The following LHFPL3 variants were observed in gnomAD, a reference collection of about 807,000 sequenced individuals.
LHFPL3 encodes the protein LHFPL tetraspan subfamily member 3 protein.
In LHFPL3, 5 loss-of-function variants were observed where a neutral mutation model predicts 19.3. The observed-to-expected ratio is 0.26, with a 90% CI of 0.14 to 0.54. LHFPL3 has a LOEUF of 0.54. Among genes scored for constraint, LHFPL3 ranks in the 20% least tolerant of loss-of-function variants. The pLI is 0.94. For synonymous variants in LHFPL3, 133 were observed against 126.2 expected (o/e 1.05, Z -0.36); for missense variants, 249 against 307.4 (o/e 0.81, Z 1.42).
At chr7:104,482,955 C>T (rs998116767) in intron 1 of LHFPL3, among the ~76,000 whole-genome samples, 10 of 152,166 alleles carry the variant, frequency 6.6e-5, no homozygotes, top group Admixed American at 2.6e-4. Context: ...TATTGACGTA[C>T]GTGGGATTTC....
chr7:104,844,159 ATG>A (rs1358921362), intron 2 of LHFPL3, among the ~76,000 whole-genome samples: 1 of 152,242 alleles, frequency 6.6e-6, no homozygotes. Flanking sequence ...CTGGGAAAGA[ATG>A]GGGGAGAGAA....
intron 1 of LHFPL3, among the ~76,000 whole-genome samples, chr7:104,353,875 C>G (rs907018993): frequency 6.6e-6 from 1 of 152,198 alleles, no homozygotes; most frequent in African/African-American, 2.4e-5. Context: ...TTGTCCAGAG[C>G]CACCTACCTG....
chr7:104,696,918 A>T (rs374087549), intron 1 of LHFPL3, among the ~76,000 whole-genome samples: 1 of 152,242 alleles, frequency 6.6e-6, no homozygotes, highest in East Asian at 1.9e-4. Flanking sequence ...TAGGTGGCTT[A>T]TACACAACTG....
Position 104,467,845 on chromosome 7 carries a change from C to T in LHFPL3, c.445+138621C>T, listed in dbSNP as rs866310913. Among the ~76,000 whole-genome samples, 3 of 152,320 alleles carry T rather than the reference C, an allele frequency of 2.0e-5. No homozygotes were observed. In the South Asian group the frequency reaches 6.2e-4, roughly 32 times the overall value. ...TTCTCCTCTCCTTCATCCTGCTCCT[C>T]CTTCTCTTCCTTCTCTTTCTCTTCT... On this transcript the variant is annotated intron_variant, in intron 1 of 2. Coordinates refer to ENST00000424859, the MANE Select transcript of LHFPL3 (RefSeq NM_199000.3).
At chr7:104,564,391 G>T (rs1211305391) in intron 1 of LHFPL3, among the ~76,000 whole-genome samples, 2 of 152,218 alleles carry the variant, frequency 1.3e-5, no homozygotes, top group African/African-American at 4.8e-5. Flanking sequence ...ACAGCCAGCA[G>T]TAGGAACTGA....
At chr7:104,700,229 A>G (rs1285012797) in intron 1 of LHFPL3, among the ~76,000 whole-genome samples, 4 of 152,186 alleles carry the variant, frequency 2.6e-5, no homozygotes, top group Non-Finnish European at 4.4e-5. Context: ...TTTCTTCCCA[A>G]TATTGGCTCA....
intron 1 of LHFPL3, among the ~76,000 whole-genome samples, chr7:104,527,729 C>T (rs1468424631): frequency 6.6e-6 from 1 of 152,086 alleles, no homozygotes; most frequent in Non-Finnish European, 1.5e-5. Context: ...CAAGAAGGAC[C>T]CTTTGAAAGT....
At chr7:104,356,294 A>G (rs548042580) in intron 1 of LHFPL3, among the ~76,000 whole-genome samples, 1 of 152,296 alleles carries the variant, frequency 6.6e-6, no homozygotes, top group Non-Finnish European at 1.5e-5. Flanking sequence ...CCTGTTGATT[A>G]CAGGCTGCCT....
chr7:104,861,804 AGAT>A lies in LHFPL3; in HGVS notation c.683-44382_683-44380del, dbSNP rs199601126. Among the ~76,000 whole-genome samples the A allele has an allele frequency of 1.5e-4, 18 of 120,246 alleles. No homozygotes were observed. The East Asian group carries it at 9.9e-3, about 66-fold the overall frequency. 78.9% of individuals were successfully genotyped at this position (120,246 alleles called of 152,430 possible). A position where few individuals can be genotyped will look rare whatever the true frequency, so the allele number is the denominator to read the frequency against. On this transcript the variant is annotated intron_variant, in intron 2 of 2. Coordinates refer to ENST00000424859, the MANE Select transcript of LHFPL3 (RefSeq NM_199000.3). ...GGGGAGAGATGCCTTCCCTTTTAGA[AGAT>A]CTTCCCTAAAAAGCATTTCTGTCAG...
At chr7:104,561,972 G>A (rs1352793488) in intron 1 of LHFPL3, among the ~76,000 whole-genome samples, 3 of 152,012 alleles carry the variant, frequency 2.0e-5, no homozygotes, top group African/African-American at 7.3e-5. Context: ...GAAATTCTGG[G>A]TTGAAAATTC....
intron 2 of LHFPL3, among the ~76,000 whole-genome samples, chr7:104,865,034 C>G (rs1021494077): frequency 6.9e-6 from 1 of 145,428 alleles, no homozygotes; most frequent in East Asian, 2.3e-4. Flanking sequence ...AGAAGGAAAA[C>G]TAACAAACAG....
At chr7:104,424,490 G>A (rs140917042) in intron 1 of LHFPL3, among the ~76,000 whole-genome samples, 2 of 152,298 alleles carry the variant, frequency 1.3e-5, no homozygotes, top group Non-Finnish European at 2.9e-5. Flanking sequence ...ACAGAAAGAT[G>A]TAATATAAAT....
intron 1 of LHFPL3, among the ~76,000 whole-genome samples, chr7:104,346,336 G>GT (rs766835972): frequency 0.021 from 2,991 of 140,274 alleles, 101 homozygotes; most frequent in African/African-American, 0.061. Flanking sequence ...AGTTATCAGG[G>GT]TTTTTTTTTT....
intron 2 of LHFPL3, among the ~76,000 whole-genome samples, chr7:104,903,686 G>A (rs188848654): frequency 5.3e-5 from 8 of 152,158 alleles, no homozygotes; most frequent in African/African-American, 9.6e-5. Flanking sequence ...GGCTGGTCTC[G>A]AACTCCTGAC....
intron 1 of LHFPL3, among the ~76,000 whole-genome samples, chr7:104,573,281 G>T (rs573936509): frequency 6.6e-6 from 1 of 151,740 alleles, no homozygotes; most frequent in South Asian, 2.1e-4. Flanking sequence ...GCATAGTGGC[G>T]GGCACCTGTA....
chr7:104,341,858 G>T (rs1789960559), intron 1 of LHFPL3, among the ~76,000 whole-genome samples: 1 of 151,866 alleles, frequency 6.6e-6, no homozygotes, highest in Non-Finnish European at 1.5e-5. Context: ...ATATTCTAGA[G>T]GACGGAGGGT....
At chr7:104,677,356 C>G (rs1792610602) in intron 1 of LHFPL3, among the ~76,000 whole-genome samples, 1 of 139,966 alleles carries the variant, frequency 7.1e-6, no homozygotes, top group African/African-American at 2.6e-5. Flanking sequence ...CAGCAGGACC[C>G]AGTCTTCTTA....
chr7:104,781,734 G>A (rs574428443), intron 2 of LHFPL3, among the ~76,000 whole-genome samples: 25 of 152,120 alleles, frequency 1.6e-4, no homozygotes, highest in Non-Finnish European at 2.8e-4. Context: ...GCATTAAATC[G>A]AAAGGATACT....
intron 1 of LHFPL3, among the ~76,000 whole-genome samples, chr7:104,697,265 C>T (rs141081878): frequency 6.6e-6 from 1 of 152,078 alleles, no homozygotes; most frequent in Non-Finnish European, 1.5e-5. Context: ...TAGCAAACAC[C>T]CTCTCCAAAA....
Sources: allele counts gnomAD v4.1 joint callset (sites outside exome capture counted in the v4.1 genomes callset), GRCh38; gene constraint gnomAD v4.1.1; transcripts MANE v1.5; gene names NCBI Gene and HGNC (gene_info 2026-07-23, HGNC 2026-07-21).